The following CDH18 variants were observed in gnomAD, a reference collection of about 807,000 sequenced individuals.
The protein encoded by CDH18 is cadherin 18.
CDH18 carries 31 observed loss-of-function variants against 67.9 expected under a neutral mutation model. That is an observed-to-expected ratio of 0.46 (90% CI 0.34 to 0.62). The LOEUF (loss-of-function observed/expected upper bound fraction) is 0.62, where lower values mean the gene tolerates loss of function less well. Ranked by LOEUF, CDH18 falls within the 20% of genes least tolerant of loss-of-function variation. The probability of loss-of-function intolerance (pLI) is 0.01; values close to 1 mark genes in which losing one functional copy is unlikely to be tolerated. For missense variants in CDH18, 890 were observed against 975.5 expected (o/e 0.91, Z 1.17); for synonymous variants, 362 against 347.2 (o/e 1.04, Z -0.48).
chr5:19,932,241 C>A (rs527678018), intron 2 of CDH18, among the ~76,000 whole-genome samples: 1 of 151,800 alleles, frequency 6.6e-6, no homozygotes, highest in East Asian at 1.9e-4. Context: ...CTGGAATGCA[C>A]AAAGCTTTTC....
chr5:20,504,675 G>A (rs1005034902), intron 1 of CDH18, among the ~76,000 whole-genome samples: 1 of 151,114 alleles, frequency 6.6e-6, no homozygotes, highest in African/African-American at 2.4e-5. Flanking sequence ...AGGGGAATCA[G>A]GAAGACTTAA....
At chr5:20,246,576 A>C (rs1743393219) in intron 2 of CDH18, among the ~76,000 whole-genome samples, 1 of 140,628 alleles carries the variant, frequency 7.1e-6, no homozygotes, top group Non-Finnish European at 1.5e-5. Context: ...TGCAGGAAGT[A>C]AAAATGCAAG....
intron 1 of CDH18, among the ~76,000 whole-genome samples, chr5:20,522,372 T>C (rs758867763): frequency 6.6e-6 from 1 of 152,184 alleles, no homozygotes; most frequent in Non-Finnish European, 1.5e-5. Context: ...AAGACAGCAA[T>C]TGCTATTAAA....
At chr5:19,897,737 T>C (rs540446360) in intron 2 of CDH18, among the ~76,000 whole-genome samples, 19 of 152,068 alleles carry the variant, frequency 1.2e-4, no homozygotes, top group Admixed American at 3.3e-4. Flanking sequence ...GCAATAATCA[T>C]GAAATAATTA....
rs551878671 is a variant in CDH18, at chr5:19,472,480, T to C, written c.*746A>G. 6.6e-6 allele frequency among the ~76,000 whole-genome samples: 1 copy of C among 152,146 alleles called. No homozygotes were observed. The highest frequency in any genetic ancestry group is 1.5e-5 in the Non-Finnish European group (1 of 68,020). ...TCATAACATACCTTAAACTATTCTTTCTGTCCATTTAAAAATAGGAGTATC... is the reference window on the plus strand; with the variant it reads ...TCATAACATACCTTAAACTATTCTTCCTGTCCATTTAAAAATAGGAGTATC... On this transcript the variant is annotated 3_prime_UTR_variant, in exon 13 of 13. Coordinates refer to ENST00000382275, the MANE Select transcript of CDH18 (RefSeq NM_004934.5).
intron 1 of CDH18, among the ~76,000 whole-genome samples, chr5:20,490,583 T>C (rs1753529453): frequency 6.6e-6 from 1 of 152,078 alleles, no homozygotes; most frequent in Admixed American, 6.6e-5. Context: ...AAAAAGACTA[T>C]TATAGATAAG....
chr5:19,901,068 T>C (rs1302000486), intron 2 of CDH18, among the ~76,000 whole-genome samples: 2 of 152,150 alleles, frequency 1.3e-5, no homozygotes, highest in East Asian at 1.9e-4. Context: ...AAAATTAAAT[T>C]GTAACTTTGG....
intron 2 of CDH18, among the ~76,000 whole-genome samples, chr5:19,888,449 C>T (rs1788457664): frequency 1.3e-5 from 2 of 151,500 alleles, no homozygotes; most frequent in African/African-American, 4.9e-5. Context: ...TTATTTCTAA[C>T]CATTTCATGT....
At chr5:19,874,895 G>A (rs559607371) in intron 2 of CDH18, among the ~76,000 whole-genome samples, 1 of 152,212 alleles carries the variant, frequency 6.6e-6, no homozygotes, top group African/African-American at 2.4e-5. Flanking sequence ...CAGAGGTAGC[G>A]GGGAGCATAT....
intron 2 of CDH18, among the ~76,000 whole-genome samples, chr5:19,959,992 C>T (rs1684782895): frequency 6.6e-6 from 1 of 151,970 alleles, no homozygotes; most frequent in South Asian, 2.1e-4. Context: ...GTATAGGATG[C>T]TAAAAAGGAA....
chr5:19,818,244 G>A (rs1362848077), intron 3 of CDH18, among the ~76,000 whole-genome samples: 1 of 152,076 alleles, frequency 6.6e-6, no homozygotes, highest in Non-Finnish European at 1.5e-5. Context: ...GGAAGTAAAT[G>A]GATGAGTTAT....
At chr5:19,590,484 G>GGATAGATAGATAGATAGATA (rs145201697) in intron 7 of CDH18, among the ~76,000 whole-genome samples, 4,068 of 149,784 alleles carry the variant, frequency 0.027, 78 homozygotes, top group South Asian at 0.054. Flanking sequence ...CTAGACAGAT[G>GGATAGATAGATAGATAGATA]GATAGATAGA....
At chr5:19,495,935 G>A (rs1039845711) in intron 11 of CDH18, among the ~76,000 whole-genome samples, 43 of 151,802 alleles carry the variant, frequency 2.8e-4, no homozygotes, top group Admixed American at 7.9e-4. Flanking sequence ...AGAAATGAGG[G>A]GAGTTTTTGG....
At chr5:19,550,434 C>G (rs184647524) in intron 8 of CDH18, among the ~76,000 whole-genome samples, 1 of 151,212 alleles carries the variant, frequency 6.6e-6, no homozygotes, top group Non-Finnish European at 1.5e-5. Context: ...CCACAACAGT[C>G]CCCGGTATGT....
At chr5:20,499,589 T>C (rs1754123691) in intron 1 of CDH18, among the ~76,000 whole-genome samples, 1 of 152,062 alleles carries the variant, frequency 6.6e-6, no homozygotes, top group South Asian at 2.1e-4. Context: ...ACTCTAAAAA[T>C]ATTGTGCCTT....
At chr5:20,192,825 G>A (rs997508490) in intron 2 of CDH18, among the ~76,000 whole-genome samples, 1 of 152,072 alleles carries the variant, frequency 6.6e-6, no homozygotes, top group South Asian at 2.1e-4. Flanking sequence ...CATTATCTTG[G>A]CTATACGAGG....
At chr5:20,294,106 C>CA (rs754649806) in intron 1 of CDH18, among the ~76,000 whole-genome samples, 14 of 152,060 alleles carry the variant, frequency 9.2e-5, no homozygotes, top group Non-Finnish European at 1.8e-4. Flanking sequence ...GCACTGAGGC[C>CA]TAATATTTAC....
rs559501310 is a variant in CDH18 at position 20,198,585 on chromosome 5, T to C, written c.-518+56859A>G. On this transcript the variant is annotated intron_variant, in intron 2 of 14. Transcript: ENST00000507958. ...AAAAATTTGCAGCCTGATGATGCGGTAGAAAAAAGAAACCCATTTTTTTAA... is the reference window on the plus strand; with the variant it reads ...AAAAATTTGCAGCCTGATGATGCGGCAGAAAAAAGAAACCCATTTTTTTAA... Among the ~76,000 whole-genome samples the C allele has an allele frequency of 2.0e-5, 3 of 152,184 alleles. No individual in the cohort carries two copies. In the South Asian group the frequency reaches 6.2e-4, roughly 32 times the overall value.
chr5:19,955,383 A>T (rs767791671), intron 2 of CDH18, among the ~76,000 whole-genome samples: 1 of 152,162 alleles, frequency 6.6e-6, no homozygotes, highest in Non-Finnish European at 1.5e-5. Flanking sequence ...CAACAATAAA[A>T]GCAAAAAAAG....
Sources: allele counts gnomAD v4.1 joint callset (sites outside exome capture counted in the v4.1 genomes callset), GRCh38; gene constraint gnomAD v4.1.1; transcripts MANE v1.5; gene names NCBI Gene and HGNC (gene_info 2026-07-23, HGNC 2026-07-21).